Variants in TBCD observed in about 807,000 individuals in gnomAD.
TBCD encodes tubulin-specific chaperone D.
In TBCD, 105 loss-of-function variants were observed where a neutral mutation model predicts 169.3. The observed-to-expected ratio is 0.62, with a 90% CI of 0.53 to 0.73. The LOEUF (loss-of-function observed/expected upper bound fraction) is 0.73. Ranked by LOEUF, TBCD falls within the 30% of genes least tolerant of loss-of-function variation. The pLI, the probability that TBCD is intolerant of heterozygous loss-of-function variation, is 0.00. For synonymous variants in TBCD, 700 were observed against 643.9 expected (o/e 1.09, Z -1.32); for missense variants, 1,444 against 1,600.1 (o/e 0.90, Z 1.66).
intron 13 of TBCD, among the ~76,000 whole-genome samples, chr17:82,855,857 C>G (rs544820182): frequency 1.1e-4 from 17 of 152,230 alleles, no homozygotes; most frequent in African/African-American, 4.1e-4. Context: ...TTTACTTATT[C>G]TGAGAATTTT....
At chr17:82,860,805 G>A (rs1046841189) in intron 13 of TBCD, among the ~76,000 whole-genome samples, 4 of 152,256 alleles carry the variant, frequency 2.6e-5, no homozygotes, top group South Asian at 4.2e-4. Flanking sequence ...CATTTGTCCC[G>A]AGCGGAGGGT....
intron 1 of TBCD, among the ~76,000 whole-genome samples, chr17:82,753,604 G>A (rs553062480): frequency 6.6e-6 from 1 of 151,578 alleles, no homozygotes; most frequent in South Asian, 2.1e-4. Flanking sequence ...CTACAGGCGC[G>A]CGCCACCACG....
chr17:82,937,436 G>T (rs2062722913), intron 35 of TBCD, 76 bp downstream of exon 35: 2 of 1,311,372 alleles, frequency 1.5e-6, no homozygotes, highest in African/African-American at 2.9e-5. Context: ...GGAGTCCACG[G>T]CTCCAGGCGG....
At chr17:82,775,208 A>C (rs2048515310) in intron 6 of TBCD, among the ~76,000 whole-genome samples, 1 of 152,186 alleles carries the variant, frequency 6.6e-6, no homozygotes, top group Admixed American at 6.5e-5. Flanking sequence ...CGTGCAGAAC[A>C]CCTGAGCCTG....
At position 82,763,951 on chromosome 17, in the gene TBCD, A is replaced by T. The variant is rs760443251; in HGVS notation, c.236-14A>T. The T allele has an allele frequency of 3.7e-6, 6 of 1,609,016 alleles. No homozygotes were observed. In the Admixed American group the frequency reaches 6.7e-5, roughly 18 times the overall value. On this transcript the variant is annotated splice_polypyrimidine_tract_variant and intron_variant, in intron 2 of 38. Transcript: ENST00000355528. ...TTCACTTTTACAGTAAATGTTTCCT[A>T]TGTTTTTCCCTAGAATGGATGATGA...
intron 15 of TBCD, among the ~76,000 whole-genome samples, chr17:82,887,168 T>G (rs866409974): frequency 7.9e-6 from 1 of 126,102 alleles, no homozygotes. Flanking sequence ...TGTGTGTGTG[T>G]GCGCGCGCGC....
chr17:82,766,241 T>C, intron 3 of TBCD, 26 bp from the exon 4 acceptor site: 1 of 1,572,350 alleles, frequency 6.4e-7, no homozygotes, highest in Non-Finnish European at 8.7e-7. Context: ...TTAAATGTTA[T>C]AATTCAGCAT....
At chr17:82,910,639 T>C (rs1241965335) in intron 22 of TBCD, among the ~76,000 whole-genome samples, 1 of 151,956 alleles carries the variant, frequency 6.6e-6, no homozygotes, top group East Asian at 1.9e-4. Flanking sequence ...GCATGTCGGC[T>C]CACTGCAAGC....
At chr17:82,817,504 C>A (rs1303089635) in intron 13 of TBCD, among the ~76,000 whole-genome samples, 1 of 152,138 alleles carries the variant, frequency 6.6e-6, no homozygotes, top group Non-Finnish European at 1.5e-5. Flanking sequence ...CCCATGTTGT[C>A]CGGGCTGGTC....
intron 2 of TBCD, among the ~76,000 whole-genome samples, chr17:82,762,780 T>A (rs1347114325): frequency 6.6e-6 from 1 of 151,974 alleles, no homozygotes; most frequent in Admixed American, 6.6e-5. Context: ...ACTCATCACC[T>A]GCCATACTGA....
chr17:82,929,225 A>G lies in TBCD; in HGVS notation c.2806A>G (p.Ile936Val), dbSNP rs2147301221. ...GCTCCTGCACTTTGACAGCCCTCCCATCCCCCACGTGCCCCACCGAGGAGA... is the reference window on the plus strand; with the variant it reads ...GCTCCTGCACTTTGACAGCCCTCCCGTCCCCCACGTGCCCCACCGAGGAGA... ...LTLLHFDSPPIPHVPHRGELE... is the reference protein window; with the variant it reads ...LTLLHFDSPPVPHVPHRGELE... The change falls in exon 31 of 39, where the codon ATC (isoleucine) becomes GTC (valine). Residue 936 changes from isoleucine to valine, a missense_variant. Coordinates refer to ENST00000355528, the MANE Select transcript of TBCD (RefSeq NM_005993.5). 1 of 1,613,188 alleles carries G rather than the reference A, an allele frequency of 6.2e-7. No individual in the cohort carries two copies. Among genetic ancestry groups the G allele is most frequent in the Non-Finnish European group, 8.5e-7 (1 of 1,179,712 alleles).
At position 82,883,513 on chromosome 17, in the gene TBCD, C is replaced by T. The variant is rs533721662; in HGVS notation, c.1476-632C>T. The stretch of plus-strand genomic sequence containing the variant: ...GAGAGGCCTTGCTCTGAGTGTGGCT[C>T]GCATGGGGGCAGCGCCTTGGCGTCT... On this transcript the variant is annotated intron_variant, in intron 14 of 38. Coordinates refer to ENST00000355528, the MANE Select transcript of TBCD (RefSeq NM_005993.5). 1.6e-4 allele frequency among the ~76,000 whole-genome samples: 25 copies of T among 152,330 alleles called. No homozygotes were observed. The East Asian group carries it at 4.1e-3, about 25-fold the overall frequency.
intron 4 of TBCD, among the ~76,000 whole-genome samples, chr17:82,766,595 C>T (rs1340040688): frequency 6.6e-6 from 1 of 152,022 alleles, no homozygotes; most frequent in Non-Finnish European, 1.5e-5. Context: ...AAAAATTATG[C>T]CTAGGTGTAG....
rs1021762361 is a variant in TBCD at position 82,903,259 on chromosome 17, A to G, written c.1731-146A>G. 1.4e-6 allele frequency: 1 copy of G among 707,820 alleles called. No individual in the cohort carries two copies. The highest frequency in any genetic ancestry group is 1.8e-5 in the African/African-American group (1 of 56,300). 43.8% of individuals were successfully genotyped at this position (707,820 alleles called of 1,614,324 possible). A position where few individuals can be genotyped will look rare whatever the true frequency, so the allele number is the denominator to read the frequency against. On this transcript the variant is annotated intron_variant, in intron 18 of 38. Transcript: ENST00000355528. The surrounding 1 kb of genome is among the most constrained non-coding windows in gnomAD (Gnocchi z 4.8). ...GTCTGTTGGAGTCGGAGGTTCTTGT[A>G]CTGGTTCGTGTGAGTGAGTGAGTGA...
intron 13 of TBCD, among the ~76,000 whole-genome samples, chr17:82,860,930 C>T (rs1278017101): frequency 6.6e-6 from 1 of 152,198 alleles, no homozygotes; most frequent in Non-Finnish European, 1.5e-5. Flanking sequence ...CGCATCCGGC[C>T]CTGGACACAG....
chr17:82,810,432 G>A (rs1390320122), intron 12 of TBCD, among the ~76,000 whole-genome samples: 1 of 152,216 alleles, frequency 6.6e-6, no homozygotes, highest in Non-Finnish European at 1.5e-5. Flanking sequence ...AACAGAGTGA[G>A]ACCCGGTCTC....
At chr17:82,839,564 A>G (rs2054290475) in intron 13 of TBCD, among the ~76,000 whole-genome samples, 1 of 151,784 alleles carries the variant, frequency 6.6e-6, no homozygotes, top group Non-Finnish European at 1.5e-5. Flanking sequence ...TACACCACAC[A>G]TATATATATG....
intron 28 of TBCD, 96 bp from the exon 29 acceptor site, chr17:82,927,090 G>A (rs953845002): frequency 1.3e-6 from 2 of 1,557,242 alleles, no homozygotes; most frequent in Non-Finnish European, 8.7e-7. Flanking sequence ...TTCTGAGCGT[G>A]TCTTCTCAGG....
Position 82,800,877 on chromosome 17 carries a change from C to T in TBCD, c.831C>T (p.Leu277=). The change falls in exon 9 of 39, where the codon CTC becomes CTT. Residue 277 remains leucine, a synonymous_variant. Transcript: ENST00000355528. ...EDCLPYAATV[L]RCLDGCRLPE... is the part of the protein sequence containing the mutation. ...TCTTGTTTGCAGCTGCCACTGTCCTCAGGTGCCTCGATGGCTGCAGACTCC... is the reference window on the plus strand; with the variant it reads ...TCTTGTTTGCAGCTGCCACTGTCCTTAGGTGCCTCGATGGCTGCAGACTCC... 6.2e-7 allele frequency: 1 copy of T among 1,612,710 alleles called. No individual in the cohort carries two copies. Among genetic ancestry groups the T allele is most frequent in the South Asian group, 1.1e-5 (1 of 91,020 alleles).
Sources: allele counts gnomAD v4.1 joint callset (sites outside exome capture counted in the v4.1 genomes callset), GRCh38; gene constraint gnomAD v4.1.1; non-coding constraint Gnocchi (gnomAD v3.1); transcripts MANE v1.5; gene names NCBI Gene and HGNC (gene_info 2026-07-23, HGNC 2026-07-21).